Variants in FAM234A observed in about 807,000 individuals in gnomAD.
The protein encoded by FAM234A is protein FAM234A.
In FAM234A, 42 loss-of-function variants were observed where a neutral mutation model predicts 49.1. The ratio of observed to expected loss-of-function variants is 0.86; its 90% CI spans 0.67 to 1.11. The LOEUF (loss-of-function observed/expected upper bound fraction) is 1.11, where lower values mean the gene tolerates loss of function less well. Ranked by LOEUF, FAM234A falls within the 50% of genes least tolerant of loss-of-function variation. The pLI is 0.00. For synonymous variants in FAM234A, 369 were observed against 316.2 expected, an observed-to-expected ratio of 1.17 and a Z score of -1.77; for missense variants, 815 against 745.2, an observed-to-expected ratio of 1.09 and a Z score of -1.09.
intron 2 of FAM234A, among the ~76,000 whole-genome samples, chr16:253,186 C>T (rs1470036272): frequency 6.6e-6 from 1 of 152,090 alleles, no homozygotes; most frequent in Non-Finnish European, 1.5e-5. Context: ...TCTAAGACGG[C>T]GACTGCCGGT....
At chr16:240,475 A>G (rs935037117) in intron 1 of FAM234A, among the ~76,000 whole-genome samples, 16 of 150,468 alleles carry the variant, frequency 1.1e-4, no homozygotes, top group African/African-American at 3.7e-4. Flanking sequence ...AAACTTATTT[A>G]AGGCTTGAGC....
At chr16:263,797 G>A (rs1271011233) in intron 10 of FAM234A, 22 bp downstream of exon 10, 3 of 1,592,810 alleles carry the variant, frequency 1.9e-6, no homozygotes, top group Non-Finnish European at 2.6e-6. Flanking sequence ...TTCCTTCGGA[G>A]GTGGCACCTT....
At chr16:237,164 G>C (rs1003145152) in intron 1 of FAM234A, among the ~76,000 whole-genome samples, 2 of 151,822 alleles carry the variant, frequency 1.3e-5, no homozygotes, top group Non-Finnish European at 2.9e-5. Context: ...CCTTGGCCTC[G>C]CAAAGTGTTA....
downstream of FAM234A, chr16:268,758 T>C: frequency 6.5e-7 from 1 of 1,548,686 alleles, no homozygotes; most frequent in East Asian, 2.4e-5. Flanking sequence ...CACGGCACTC[T>C]CTTGGGTCCT....
rs372762406 is a variant in FAM234A, at chr16:259,469, G to C, written c.269-14G>C. 5 of 1,473,860 alleles carry C rather than the reference G, an allele frequency of 3.4e-6. No individual in the cohort carries two copies. The African/African-American group carries it at 7.0e-5, about 21-fold the overall frequency. 91.3% of individuals were successfully genotyped at this position (1,473,860 alleles called of 1,614,324 possible). Reference sequence around the variant, plus strand: ...CATGGCCCGCGGAGTATAGTCTGTGGTTTTCTCTTTCAGTTATCTATGACT... The same window carrying C: ...CATGGCCCGCGGAGTATAGTCTGTGCTTTTCTCTTTCAGTTATCTATGACT... On this transcript the variant is annotated splice_polypyrimidine_tract_variant and intron_variant, in intron 3 of 12. Coordinates refer to ENST00000399932, the MANE Select transcript of FAM234A (RefSeq NM_032039.4).
chr16:250,521 A>T (rs2050963804), intron 2 of FAM234A, among the ~76,000 whole-genome samples: 2 of 152,034 alleles, frequency 1.3e-5, no homozygotes, highest in African/African-American at 4.8e-5. Context: ...TGATAAGCAC[A>T]CCTTTTCTGA....
intron 5 of FAM234A, 157 bp downstream of exon 5, chr16:260,317 G>A: frequency 1.4e-6 from 1 of 696,802 alleles, no homozygotes; most frequent in Non-Finnish European, 2.5e-6. Flanking sequence ...TCCAAGTGAG[G>A]CTGCAAGCGT....
intron 3 of FAM234A, 54 bp downstream of exon 3, chr16:254,735 TG>T: frequency 6.3e-7 from 1 of 1,584,920 alleles, no homozygotes; most frequent in Non-Finnish European, 8.6e-7. Flanking sequence ...TCCCAGGGGA[TG>T]GGGCGGAGGG....
chr16:263,261 G>C lies in FAM234A; in HGVS notation c.972-1G>C. ...CCCCTTTCTCCCACTCTCCTGTCTA[G>C]CTCTGGAGCAGTGCGCTACCTGATG... On this transcript the variant is annotated splice_acceptor_variant, in intron 8 of 12. Transcript: ENST00000399932. LOFTEE classifies it high-confidence loss of function. 1 of 1,612,340 alleles carries C rather than the reference G, an allele frequency of 6.2e-7. No individual in the cohort carries two copies. The highest frequency in any genetic ancestry group is 8.5e-7 in the Non-Finnish European group (1 of 1,179,942).
chr16:256,987 C>G (rs1215536953), intron 3 of FAM234A, among the ~76,000 whole-genome samples: 6 of 152,154 alleles, frequency 3.9e-5, no homozygotes, highest in African/African-American at 1.4e-4. Context: ...GGTGATTGGC[C>G]TGCCTCAGCA....
chr16:247,288 C>A (rs1348426327), intron 1 of FAM234A, among the ~76,000 whole-genome samples: 1 of 151,624 alleles, frequency 6.6e-6, no homozygotes, highest in African/African-American at 2.4e-5. Flanking sequence ...TGCCACCACA[C>A]CGGGCTGATT....
chr16:268,871 G>A (rs781212878), downstream of FAM234A: 38 of 1,550,238 alleles, frequency 2.5e-5, no homozygotes, highest in East Asian at 4.2e-4. Context: ...GTGGGAAGCC[G>A]CCCGCCTGTG....
chr16:249,046 G>A (rs1207146089), intron 1 of FAM234A, among the ~76,000 whole-genome samples: 2 of 151,988 alleles, frequency 1.3e-5, no homozygotes, highest in East Asian at 3.9e-4. Context: ...TTAAGAAAGG[G>A]AGTGATATAA....
chr16:266,507 C>G (rs141530281), downstream of FAM234A, among the ~76,000 whole-genome samples: 1,166 of 152,262 alleles, frequency 7.7e-3, 8 homozygotes, highest in Middle Eastern at 0.02. Context: ...GCAGGGGCTT[C>G]CCGGAGATGC....
Position 265,047 on chromosome 16 carries a change from A to G in FAM234A, c.*25A>G. The G allele has an allele frequency of 1.9e-6, 3 of 1,575,772 alleles. No individual in the cohort carries two copies. Among genetic ancestry groups the G allele is most frequent in the Non-Finnish European group, 1.7e-6 (2 of 1,158,090 alleles). On this transcript the variant is annotated 3_prime_UTR_variant, in exon 13 of 13. Coordinates refer to ENST00000399932, the MANE Select transcript of FAM234A (RefSeq NM_032039.4). ...GAGGCACGCCAGCCAGAGCCTGTGG[A>G]GAGACTCCGCCTGCTGACACTAAAC... is the stretch of plus-strand genomic sequence containing the variant.
chr16:260,411 A>C (rs913735415), intron 5 of FAM234A: 25 of 565,734 alleles, frequency 4.4e-5, no homozygotes, highest in Non-Finnish European at 7.2e-5. Context: ...TGTAACACAC[A>C]GGGGCAGTCC....
rs115093779 is a variant in FAM234A, at chr16:236,588, G to A, written c.-140+1731G>A. On this transcript the variant is annotated intron_variant, in intron 1 of 12. Coordinates refer to ENST00000399932, the MANE Select transcript of FAM234A (RefSeq NM_032039.4). ...CAGTGAGCCGAGATTGCACCACTAC[G>A]CTCTGGAGACATAGCGAGACTGTCT... Among the ~76,000 whole-genome samples the A allele has an allele frequency of 7.4e-3, 1,090 of 146,694 alleles. 15 individuals are homozygous for A. The highest frequency in any genetic ancestry group is 0.026 in the African/African-American group (1,041 of 39,848).
chr16:261,763 G>A (rs1303724764), intron 6 of FAM234A, among the ~76,000 whole-genome samples: 1 of 152,234 alleles, frequency 6.6e-6, no homozygotes, highest in African/African-American at 2.4e-5. Context: ...CTGTTGCAGT[G>A]TTGGGGGTGA....
At chr16:235,253 C>T (rs369393158) in intron 1 of FAM234A, among the ~76,000 whole-genome samples, 155 of 152,302 alleles carry the variant, frequency 1.0e-3, no homozygotes, top group African/African-American at 3.1e-3. Flanking sequence ...CCTGGGTTGC[C>T]TGAGAGTGTT....
Sources: allele counts gnomAD v4.1 joint callset (sites outside exome capture counted in the v4.1 genomes callset), GRCh38; gene constraint gnomAD v4.1.1; transcripts MANE v1.5; gene names NCBI Gene and HGNC (gene_info 2026-07-23, HGNC 2026-07-21).